NUFIP2: variants seen among roughly 807,000 people sequenced by gnomAD.
The protein encoded by NUFIP2 is FMR1-interacting protein NUFIP2.
A neutral mutation model predicts 56.9 loss-of-function variants in NUFIP2; 6 were observed. The ratio of observed to expected loss-of-function variants is 0.11; its 90% CI spans 0.06 to 0.21. The LOEUF (loss-of-function observed/expected upper bound fraction) is 0.21. Ranked by LOEUF, NUFIP2 falls within the 10% of genes least tolerant of loss-of-function variation. The probability of loss-of-function intolerance (pLI) is 1.00; values close to 1 mark genes in which losing one functional copy is unlikely to be tolerated. For synonymous variants in NUFIP2, 321 were observed against 298.2 expected (o/e 1.08, Z -0.79); for missense variants, 828 against 826.8 (o/e 1.00, Z -0.02).
rs1050888792 is a variant in NUFIP2 at position 29,287,696 on chromosome 17, T to C, written c.298A>G (p.Asn100Asp). Residue 100 changes from asparagine to aspartate, a missense_variant, in exon 2 of 4, where the codon AAT becomes GAT. Around this residue, in one of 3 missense-constraint regions of NUFIP2, gnomAD observed 415 missense variants for 408.7 expected, o/e 1.02. Transcript: ENST00000225388. The part of the protein sequence containing the change: ...KKTGYGELNG[N>D]AGEREISLKN... ...AAAGATATTTCTCTTTCTCCAGCAT[T>C]ACCGTTTAGTTCACCATAGCCTAGG... is the stretch of plus-strand genomic sequence containing the variant. 2 of 1,609,428 alleles carry C rather than the reference T, an allele frequency of 1.2e-6. No individual in the cohort carries two copies. Among genetic ancestry groups the C allele is most frequent in the Non-Finnish European group, 8.5e-7 (1 of 1,178,280 alleles).
Position 29,257,547 on chromosome 17 carries a change from C to G in NUFIP2, c.*6992G>C, listed in dbSNP as rs2068977951. 2.0e-5 allele frequency: 3 copies of G among 151,310 alleles called. No individual in the cohort carries two copies. The highest frequency in any genetic ancestry group is 4.9e-5 in the African/African-American group (2 of 41,116). The allele number at this position is 151,310 out of a possible 1,614,324, so 9.4% of individuals were successfully genotyped here. On this transcript the variant is annotated 3_prime_UTR_variant, in exon 4 of 4. Transcript: ENST00000225388. ...TTTTTTTTTAATGACAAGAATTGCACAGTTTATTATTTTGAGACAATTGTT... is the reference window on the plus strand; with the variant it reads ...TTTTTTTTTAATGACAAGAATTGCAGAGTTTATTATTTTGAGACAATTGTT...
chr17:29,266,102 C>T (rs1191960607), intron 3 of NUFIP2, among the ~76,000 whole-genome samples: 1 of 152,152 alleles, frequency 6.6e-6, no homozygotes, highest in African/African-American at 2.4e-5. Context: ...TCCCTAGTAG[C>T]TGGGATTTAC....
In NUFIP2 at chr17:29,287,589, C is replaced by G; in HGVS notation, c.405G>C (p.Leu135=). 6.2e-7 allele frequency: 1 copy of G among 1,614,132 alleles called. No homozygotes were observed. The highest frequency in any genetic ancestry group is 1.1e-5 in the South Asian group (1 of 91,088). ...NGNQQVVDTS[L]KQTVKANTFG... is the part of the protein sequence containing the mutation. Reference sequence around the variant, plus strand: ...AGGTGTTGGCCTTTACAGTCTGCTTCAGGCTAGTGTCTACAACTTGCTGGT... The same window carrying G: ...AGGTGTTGGCCTTTACAGTCTGCTTGAGGCTAGTGTCTACAACTTGCTGGT... Residue 135 remains leucine, a synonymous_variant, in exon 2 of 4, where the codon CTG becomes CTC. Coordinates refer to ENST00000225388, the MANE Select transcript of NUFIP2 (RefSeq NM_020772.3).
intron 2 of NUFIP2, among the ~76,000 whole-genome samples, chr17:29,267,904 CTT>C (rs775734064): frequency 7.9e-5 from 11 of 139,098 alleles, no homozygotes; most frequent in Non-Finnish European, 7.7e-5. Context: ...TCCTGTAACT[CTT>C]TTGTTTTTTT....
chr17:29,275,785 T>A (rs1233746210), intron 2 of NUFIP2, among the ~76,000 whole-genome samples: 1 of 152,002 alleles, frequency 6.6e-6, no homozygotes, highest in Non-Finnish European at 1.5e-5. Context: ...CCCAGCACTT[T>A]GGGAGGCCAA....
chr17:29,270,682 G>A (rs903156541), intron 2 of NUFIP2, among the ~76,000 whole-genome samples: 4 of 151,732 alleles, frequency 2.6e-5, no homozygotes, highest in African/African-American at 4.8e-5. Context: ...TTAGTCATAC[G>A]CTGAAAAAAA....
chr17:29,268,117 T>G (rs1421252191), intron 2 of NUFIP2, among the ~76,000 whole-genome samples: 3 of 152,204 alleles, frequency 2.0e-5, no homozygotes, highest in African/African-American at 7.2e-5. Context: ...CAGGATGGTC[T>G]TGAACTCCTG....
At position 29,263,582 on chromosome 17, in the gene NUFIP2, A is replaced by G. The variant is rs2069016457; in HGVS notation, c.*957T>C. ...TGTCTTAAATGTTTGATGAAAAACA[A>G]GGAAAACAGCACATTTAGTGTTAGT... On this transcript the variant is annotated 3_prime_UTR_variant, in exon 4 of 4. Coordinates refer to ENST00000225388, the MANE Select transcript of NUFIP2 (RefSeq NM_020772.3). 1 of 152,668 alleles carries G rather than the reference A, an allele frequency of 6.6e-6. No homozygotes were observed. The highest frequency in any genetic ancestry group is 2.4e-5 in the African/African-American group (1 of 41,470). 9.5% of individuals were successfully genotyped at this position (152,668 alleles called of 1,614,324 possible). A position where few individuals can be genotyped will look rare whatever the true frequency, so the allele number is the denominator to read the frequency against.
At position 29,287,076 on chromosome 17, in the gene NUFIP2, A is replaced by G. The variant is rs1299956999; in HGVS notation, c.918T>C (p.Ser306=). 1 of 1,614,132 alleles carries G rather than the reference A, an allele frequency of 6.2e-7. No individual in the cohort carries two copies. The highest frequency in any genetic ancestry group is 2.2e-5 in the East Asian group (1 of 44,874). Residue 306 remains serine, a synonymous_variant, in exon 2 of 4, where the codon AGT becomes AGC. Transcript: ENST00000225388. ...ACTTTTTGCTGCTCACACCAGGTTT[A>G]CTATCTGAGCTTTTCCGAAGCATAT... The part of the protein sequence containing the change: ...VGDMLRKSSD[S]KPGVSSKKFD...
In NUFIP2 at chr17:29,262,717, C is replaced by G. The variant is rs1054681581; in HGVS notation, c.*1822G>C. Reference sequence around the variant, plus strand: ...ACAAGTTTCTGAACCTGGACTGATACAATAAGTTATTTTATATATATATAT... The same window carrying G: ...ACAAGTTTCTGAACCTGGACTGATAGAATAAGTTATTTTATATATATATAT... On this transcript the variant is annotated 3_prime_UTR_variant, in exon 4 of 4. Transcript: ENST00000225388. The G allele has an allele frequency of 6.8e-6, 1 of 147,544 alleles. No individual in the cohort carries two copies. Among genetic ancestry groups the G allele is most frequent in the Non-Finnish European group, 1.5e-5 (1 of 67,188 alleles). The allele number at this position is 147,544 out of a possible 1,614,324, so 9.1% of individuals were successfully genotyped here.
intron 2 of NUFIP2, among the ~76,000 whole-genome samples, chr17:29,280,087 G>T (rs2069131420): frequency 6.6e-6 from 1 of 152,106 alleles, no homozygotes; most frequent in South Asian, 2.1e-4. Flanking sequence ...CAACGTGCTG[G>T]GATTACAAGT....
chr17:29,282,313 T>C (rs1423283434), intron 2 of NUFIP2, among the ~76,000 whole-genome samples: 1 of 151,576 alleles, frequency 6.6e-6, no homozygotes, highest in East Asian at 2.0e-4. Context: ...TCCCAGCACT[T>C]TGGGAGGCCA....
chr17:29,274,932 G>T (rs941073911), intron 2 of NUFIP2, among the ~76,000 whole-genome samples: 1 of 151,882 alleles, frequency 6.6e-6, no homozygotes, highest in Non-Finnish European at 1.5e-5. Flanking sequence ...CTAAGAGCAA[G>T]AAAGAAAAAG....
chr17:29,289,100 G>A (rs920919102), intron 1 of NUFIP2, among the ~76,000 whole-genome samples: 6 of 152,154 alleles, frequency 3.9e-5, no homozygotes, highest in African/African-American at 1.4e-4. Flanking sequence ...GCACTGAGAT[G>A]GCACAACTGC....
Position 29,287,541 on chromosome 17 carries a change from G to C in NUFIP2, c.453C>G (p.Thr151=). 6.2e-7 allele frequency: 1 copy of C among 1,613,826 alleles called. No individual in the cohort carries two copies. The highest frequency in any genetic ancestry group is 8.5e-7 in the Non-Finnish European group (1 of 1,179,990). ...TACTGTTTTTCTGAATGAAATTCTT[G>C]GTTTTAATTCCTGCTTTCCCAAAGG... ...ANTFGKAGIK[T]KNFIQKNSMD... is the part of the protein sequence containing the mutation. Residue 151 remains threonine (T), a synonymous_variant, in exon 2 of 4, where the codon ACC becomes ACG. Transcript: ENST00000225388.
At chr17:29,267,984 C>T (rs905432143) in intron 2 of NUFIP2, among the ~76,000 whole-genome samples, 3 of 152,220 alleles carry the variant, frequency 2.0e-5, no homozygotes, top group South Asian at 4.1e-4. Flanking sequence ...CTGCAACCTC[C>T]GCCTCTCGGG....
chr17:29,292,892 GCGGCC>G (rs2069226158), intron 1 of NUFIP2, among the ~76,000 whole-genome samples: 2 of 144,980 alleles, frequency 1.4e-5, no homozygotes, highest in Admixed American at 1.4e-4. Context: ...GGGGGGGGGG[GCGGCC>G]GCGGTGCGGG....
intron 2 of NUFIP2, among the ~76,000 whole-genome samples, chr17:29,275,975 C>T (rs1392627337): frequency 1.3e-5 from 2 of 150,828 alleles, no homozygotes; most frequent in African/African-American, 4.9e-5. Flanking sequence ...TTGCAGTGAG[C>T]CAAGATTGCG....
At position 29,287,098 on chromosome 17, in the gene NUFIP2, A is replaced by T; in HGVS notation, c.896T>A (p.Met299Lys). 6.2e-7 allele frequency: 1 copy of T among 1,614,172 alleles called. No individual in the cohort carries two copies. The highest frequency in any genetic ancestry group is 1.3e-5 in the African/African-American group (1 of 75,032). The change falls in exon 2 of 4, where the codon ATG (methionine) becomes AAG (lysine). Residue 299 changes from methionine (M) to lysine (K), a missense_variant. Physicochemically the swap from Met to Lys is moderately conservative, Grantham distance 95 (BLOSUM62 -1). Coordinates refer to ENST00000225388, the MANE Select transcript of NUFIP2 (RefSeq NM_020772.3). Reference sequence around the variant, plus strand: ...TTTACTATCTGAGCTTTTCCGAAGCATATCACCCACAGCAGGTTTTCCTCG... The same window carrying T: ...TTTACTATCTGAGCTTTTCCGAAGCTTATCACCCACAGCAGGTTTTCCTCG... The part of the protein sequence containing the change: ...TSRGKPAVGD[M>K]LRKSSDSKPG...
Sources: allele counts gnomAD v4.1 joint callset (sites outside exome capture counted in the v4.1 genomes callset), GRCh38; gene constraint gnomAD v4.1.1; regional missense constraint gnomAD v4.1.1; transcripts MANE v1.5; gene names NCBI Gene and HGNC (gene_info 2026-07-23, HGNC 2026-07-21).